ANO10: variants seen among roughly 807,000 people sequenced by gnomAD.
ANO10 encodes anoctamin-10.
ANO10 carries 77 observed loss-of-function variants against 74.7 expected under a neutral mutation model. The observed-to-expected ratio is 1.03, with a 90% CI of 0.86 to 1.25. ANO10 has a LOEUF of 1.25. Among genes scored for constraint, ANO10 ranks in the 50% most tolerant of loss-of-function variants. The pLI, the probability that ANO10 is intolerant of heterozygous loss-of-function variation, is 0.00. For synonymous variants in ANO10, 279 were observed against 284.9 expected, an observed-to-expected ratio of 0.98 and a Z score of 0.21; for missense variants, 721 against 778.1, an observed-to-expected ratio of 0.93 and a Z score of 0.87.
At chr3:43,659,098 T>C (rs2149572057) in intron 1 of ANO10, among the ~76,000 whole-genome samples, 1 of 152,308 alleles carries the variant, frequency 6.6e-6, no homozygotes, top group Middle Eastern at 3.4e-3. Context: ...CCAAGATGGC[T>C]GAATAGGTAC....
At chr3:43,481,836 C>G (rs1028910900) in intron 11 of ANO10, among the ~76,000 whole-genome samples, 1 of 152,094 alleles carries the variant, frequency 6.6e-6, no homozygotes, top group Non-Finnish European at 1.5e-5. Context: ...ACTAAAATGA[C>G]AGTCCACAGT....
Position 43,485,342 on chromosome 3 carries a change from T to TC in ANO10, c.1798-52616dup. On this transcript the variant is annotated intron_variant, in intron 11 of 12. Transcript: ENST00000292246. ...GGATCCGACAGGGTGTCCGCTGTGCTCCCCATCCAGGGAGGCGCCCATTGC... is the reference window on the plus strand; with the variant it reads ...GGATCCGACAGGGTGTCCGCTGTGCTCCCCCATCCAGGGAGGCGCCCATTGC... 3 of 500,340 alleles carry TC rather than the reference T, an allele frequency of 6.0e-6. No individual in the cohort carries two copies. The South Asian group carries it at 6.0e-5, about 10-fold the overall frequency. The allele number at this position is 500,340 out of a possible 1,614,324, so 31.0% of individuals were successfully genotyped here. A position where few individuals can be genotyped will look rare whatever the true frequency, so the allele number is the denominator to read the frequency against.
At chr3:43,675,132 G>T (rs964767867) in intron 1 of ANO10, among the ~76,000 whole-genome samples, 2 of 152,090 alleles carry the variant, frequency 1.3e-5, no homozygotes, top group African/African-American at 4.8e-5. Context: ...AAGAACTATT[G>T]TTTTTCCAAT....
At chr3:43,405,793 C>A (rs957826528) in intron 12 of ANO10, among the ~76,000 whole-genome samples, 11 of 152,098 alleles carry the variant, frequency 7.2e-5, no homozygotes, top group African/African-American at 2.7e-4. Flanking sequence ...TTTCAAATAG[C>A]TAAAATTTCA....
intron 1 of ANO10, among the ~76,000 whole-genome samples, chr3:43,683,282 C>A (rs916821250): frequency 6.6e-6 from 1 of 152,086 alleles, no homozygotes; most frequent in African/African-American, 2.4e-5. Context: ...TCTTATACAC[C>A]AATAACAGAC....
intron 11 of ANO10, among the ~76,000 whole-genome samples, chr3:43,525,977 G>C (rs1221936941): frequency 6.6e-6 from 1 of 152,132 alleles, no homozygotes; most frequent in Non-Finnish European, 1.5e-5. Flanking sequence ...TTGCAACAGA[G>C]TCATTATTCT....
At chr3:43,383,951 T>A (rs1245334411) in intron 12 of ANO10, among the ~76,000 whole-genome samples, 1 of 152,048 alleles carries the variant, frequency 6.6e-6, no homozygotes, top group African/African-American at 2.4e-5. Context: ...AGAAAGGGCA[T>A]CCAAATCGGT....
In ANO10 at chr3:43,600,410, G is replaced by C. The variant is rs900268151; in HGVS notation, c.311C>G (p.Thr104Ser). The change falls in exon 3 of 13, where the codon ACC becomes AGC. Residue 104 changes from threonine to serine, a missense_variant. Physicochemically the swap from Thr to Ser is moderately conservative, Grantham distance 58. Coordinates refer to ENST00000292246, the MANE Select transcript of ANO10 (RefSeq NM_018075.5). ...ATCAAAACCTTTGAAGTTCTGTCTGGTTCTGTATGTGAAGGCTCTCATGGT... is the reference window on the plus strand; with the variant it reads ...ATCAAAACCTTTGAAGTTCTGTCTGCTTCTGTATGTGAAGGCTCTCATGGT... The part of the protein sequence containing the change: ...DNTMRAFTYR[T>S]RQNFKGFDDN... The C allele has an allele frequency of 6.2e-6, 10 of 1,614,022 alleles. No homozygotes were observed. Among genetic ancestry groups the C allele is most frequent in the Non-Finnish European group, 8.5e-6 (10 of 1,179,970 alleles).
intron 12 of ANO10, among the ~76,000 whole-genome samples, chr3:43,369,810 G>A (rs952732283): frequency 5.3e-5 from 8 of 152,318 alleles, no homozygotes; most frequent in East Asian, 1.9e-4. Flanking sequence ...AAACCCAAGC[G>A]ATTTGGAGGA....
intron 1 of ANO10, among the ~76,000 whole-genome samples, chr3:43,636,059 C>A (rs1349164555): frequency 6.6e-6 from 1 of 151,944 alleles, no homozygotes; most frequent in Non-Finnish European, 1.5e-5. Context: ...ACAGAGTTGT[C>A]CTAGTGTAGG....
At chr3:43,581,630 A>G (rs1275881969) in intron 4 of ANO10, among the ~76,000 whole-genome samples, 1 of 152,196 alleles carries the variant, frequency 6.6e-6, no homozygotes, top group Non-Finnish European at 1.5e-5. Flanking sequence ...TGCTTATAAA[A>G]TGAAATTTGG....
At position 43,614,784 on chromosome 3, in the gene ANO10, T is replaced by TATATATATATATATATATA. The variant is rs1559784132; in HGVS notation, c.-12+7106_-12+7124dup. ...AAGAAAACTAAACTATATATATATA[T>TATATATATATATATATATA]ATATATATATATATATATAGGTTCA... On this transcript the variant is annotated intron_variant, in intron 1 of 12. Transcript: ENST00000292246. 1.1e-4 allele frequency among the ~76,000 whole-genome samples: 14 copies of TATATATATATATATATATA among 128,656 alleles called. 2 individuals carry two copies. Among genetic ancestry groups the TATATATATATATATATATA allele is most frequent in the African/African-American group, 3.6e-4 (13 of 36,034 alleles). 84.4% of individuals were successfully genotyped at this position (128,656 alleles called of 152,430 possible). A position where few individuals can be genotyped will look rare whatever the true frequency, so the allele number is the denominator to read the frequency against.
At chr3:43,379,192 A>C (rs2091892173) in intron 12 of ANO10, among the ~76,000 whole-genome samples, 1 of 152,186 alleles carries the variant, frequency 6.6e-6, no homozygotes, top group East Asian at 1.9e-4. Flanking sequence ...ATCAAAACAC[A>C]TCTTGGGATA....
At chr3:43,648,304 T>C (rs958777607) in intron 1 of ANO10, among the ~76,000 whole-genome samples, 3 of 152,130 alleles carry the variant, frequency 2.0e-5, no homozygotes, top group Admixed American at 1.3e-4. Context: ...AGTGGCCCTG[T>C]TACAGGAAAG....
At chr3:43,434,228 C>T (rs573110896) in intron 11 of ANO10, among the ~76,000 whole-genome samples, 1 of 152,284 alleles carries the variant, frequency 6.6e-6, no homozygotes, top group South Asian at 2.1e-4. Flanking sequence ...ATGTGACTGC[C>T]ATGACCAAAG....
At chr3:43,598,490 T>C in intron 4 of ANO10, 42 bp downstream of exon 4, 1 of 1,603,234 alleles carries the variant, frequency 6.2e-7, no homozygotes, top group South Asian at 1.1e-5. Flanking sequence ...AATTTGCTAT[T>C]TATGTCTATT....
chr3:43,425,362 C>CG (rs35976472), intron 12 of ANO10, among the ~76,000 whole-genome samples: 1 of 151,068 alleles, frequency 6.6e-6, no homozygotes, highest in African/African-American at 2.4e-5. Flanking sequence ...ACAAATGGAG[C>CG]GGGGGGAAGA....
chr3:43,540,403 A>G (rs932407358), intron 11 of ANO10, among the ~76,000 whole-genome samples: 8 of 152,214 alleles, frequency 5.3e-5, no homozygotes, highest in Non-Finnish European at 1.2e-4. Flanking sequence ...GAAGCAATGT[A>G]AAAACAGAAT....
chr3:43,514,130 A>G (rs1360541678), intron 11 of ANO10, among the ~76,000 whole-genome samples: 2 of 151,838 alleles, frequency 1.3e-5, no homozygotes, highest in African/African-American at 4.8e-5. Context: ...AATATGATAC[A>G]CTTTAATCAT....
Sources: gnomAD v4.1 joint callset for allele counts (sites outside exome capture counted in the v4.1 genomes callset) on GRCh38, gnomAD v4.1.1 for gene constraint, MANE v1.5 for transcripts, NCBI Gene and HGNC (gene_info 2026-07-23, HGNC 2026-07-21) for gene names.